Variants in ST3GAL3 observed in about 807,000 individuals in gnomAD.
The protein encoded by ST3GAL3 is ST3 beta-galactoside alpha-2,3-sialyltransferase 3.
Under a neutral mutation model 50.1 loss-of-function variants are expected in ST3GAL3, and 21 were observed. The ratio of observed to expected loss-of-function variants is 0.42; its 90% CI spans 0.30 to 0.60. The LOEUF (loss-of-function observed/expected upper bound fraction) is 0.60. Ranked by LOEUF, ST3GAL3 falls within the 20% of genes least tolerant of loss-of-function variation. ST3GAL3 has a pLI of 0.19. For synonymous variants in ST3GAL3, 183 were observed against 190.0 expected (o/e 0.96, Z 0.30); for missense variants, 353 against 489.4 (o/e 0.72, Z 2.63).
chr1:43,848,278 C>T (rs1430686668), intron 5 of ST3GAL3, among the ~76,000 whole-genome samples: 1 of 147,866 alleles, frequency 6.8e-6, no homozygotes, highest in East Asian at 2.0e-4. Context: ...ATTATGGTGT[C>T]CCTTGTTGTG....
intron 11 of ST3GAL3, chr1:43,922,447 A>C (rs917318472): frequency 2.6e-5 from 4 of 152,180 alleles, no homozygotes; most frequent in African/African-American, 9.7e-5. Context: ...GGTTGCAGTG[A>C]GCCAAGATCA....
chr1:43,758,655 C>T (rs1246268575), intron 2 of ST3GAL3, among the ~76,000 whole-genome samples: 3 of 151,994 alleles, frequency 2.0e-5, no homozygotes, highest in Admixed American at 2.0e-4. Flanking sequence ...AGACTTTTTT[C>T]AGTTAATTAT....
chr1:43,917,637 AATATAATATATAATATAAT>A (rs1316172662), intron 9 of ST3GAL3, among the ~76,000 whole-genome samples: 1 of 68,356 alleles, frequency 1.5e-5, no homozygotes, highest in African/African-American at 6.7e-5. Flanking sequence ...TATAATATAT[AATATAATATATAATATAAT>A]ATATAATATA....
At chr1:43,917,355 A>G (rs58363130) in intron 9 of ST3GAL3, among the ~76,000 whole-genome samples, 4,540 of 143,368 alleles carry the variant, frequency 0.032, 291 homozygotes, top group African/African-American at 0.11. Context: ...CTGATTCTTC[A>G]TGAGTTTTTA....
At chr1:43,867,409 A>T (rs1286701085) in intron 5 of ST3GAL3, among the ~76,000 whole-genome samples, 2 of 152,208 alleles carry the variant, frequency 1.3e-5, no homozygotes, top group Non-Finnish European at 2.9e-5. Context: ...GAAAGGGCAG[A>T]GATCATGAAT....
intron 9 of ST3GAL3, among the ~76,000 whole-genome samples, chr1:43,918,427 C>T (rs1161980764): frequency 6.6e-6 from 1 of 152,034 alleles, no homozygotes; most frequent in Non-Finnish European, 1.5e-5. Context: ...CTAGATTTCC[C>T]TTTTTTTGTT....
chr1:43,873,679 G>A (rs1472519429), intron 5 of ST3GAL3, among the ~76,000 whole-genome samples: 1 of 152,136 alleles, frequency 6.6e-6, no homozygotes, highest in Non-Finnish European at 1.5e-5. Context: ...CAGCTACTCA[G>A]GAGGCTGAGG....
At chr1:43,747,032 C>T (rs182023958) in intron 2 of ST3GAL3, among the ~76,000 whole-genome samples, 154 of 152,018 alleles carry the variant, frequency 1.0e-3, no homozygotes, top group Admixed American at 3.5e-3. Context: ...TCCCGAAGTG[C>T]GAGGATTACA....
intron 11 of ST3GAL3, among the ~76,000 whole-genome samples, chr1:43,926,610 AAAAAT>A (rs983811575): frequency 2.0e-5 from 3 of 151,488 alleles, no homozygotes; most frequent in Admixed American, 6.6e-5. Flanking sequence ...CGTCTCAAAA[AAAAAT>A]AAAAGCTTCT....
intron 1 of ST3GAL3, among the ~76,000 whole-genome samples, chr1:43,723,600 C>G (rs1329152952): frequency 1.3e-5 from 2 of 151,578 alleles, no homozygotes; most frequent in Non-Finnish European, 2.9e-5. Context: ...TTTTTTATAC[C>G]AGTCTCAAGT....
intron 4 of ST3GAL3, among the ~76,000 whole-genome samples, chr1:43,826,660 A>G (rs1306268785): frequency 6.6e-6 from 1 of 152,222 alleles, no homozygotes; most frequent in East Asian, 1.9e-4. Context: ...CTACGGACCA[A>G]TATCTCTCAT....
intron 5 of ST3GAL3, among the ~76,000 whole-genome samples, chr1:43,845,183 A>G (rs989916571): frequency 2.0e-5 from 3 of 152,082 alleles, no homozygotes; most frequent in South Asian, 4.2e-4. Context: ...GTGTTTCGCC[A>G]TGTTTGCCAG....
intron 11 of ST3GAL3, among the ~76,000 whole-genome samples, chr1:43,928,481 T>C (rs1159121119): frequency 6.6e-6 from 1 of 152,010 alleles, no homozygotes; most frequent in Non-Finnish European, 1.5e-5. Flanking sequence ...GCACCTGTAG[T>C]TCCAGCTACT....
intron 3 of ST3GAL3, among the ~76,000 whole-genome samples, chr1:43,803,888 C>T (rs879287246): frequency 3.3e-5 from 5 of 152,338 alleles, no homozygotes; most frequent in African/African-American, 7.2e-5. Flanking sequence ...CAGAGACACA[C>T]GTGCTCCTTG....
intron 9 of ST3GAL3, among the ~76,000 whole-genome samples, chr1:43,902,346 A>C (rs1052548199): frequency 6.6e-6 from 1 of 152,142 alleles, no homozygotes; most frequent in Non-Finnish European, 1.5e-5. Flanking sequence ...CACTTACTAC[A>C]TGAGGAGTCT....
intron 1 of ST3GAL3, among the ~76,000 whole-genome samples, chr1:43,709,840 T>C (rs1388407588): frequency 1.3e-5 from 2 of 151,496 alleles, no homozygotes; most frequent in African/African-American, 4.9e-5. Context: ...AGCGTGAAAC[T>C]CGGTCAAAAA....
chr1:43,879,329 A>T (rs933306671), intron 5 of ST3GAL3: 1 of 455,718 alleles, frequency 2.2e-6, no homozygotes, highest in South Asian at 1.5e-5. Flanking sequence ...TTTTTTTTGG[A>T]GACAGTGAGA....
At chr1:43,789,260 A>C (rs1348432912) in intron 2 of ST3GAL3, among the ~76,000 whole-genome samples, 1 of 152,210 alleles carries the variant, frequency 6.6e-6, no homozygotes, top group Non-Finnish European at 1.5e-5. Flanking sequence ...CAGTCCCAGC[A>C]AAAGATGATA....
intron 5 of ST3GAL3, among the ~76,000 whole-genome samples, chr1:43,857,469 C>CTCCATCCTTCCTTCCTTCCT (rs2068628031): frequency 7.7e-6 from 1 of 129,330 alleles, no homozygotes; most frequent in African/African-American, 2.7e-5. Context: ...GTGTATTTCC[C>CTCCATCCTTCCTTCCTTCCT]TCCTTCCTTC....
Sources: gnomAD v4.1 joint callset for allele counts (sites outside exome capture counted in the v4.1 genomes callset) on GRCh38, gnomAD v4.1.1 for gene constraint, MANE v1.5 for transcripts, NCBI Gene and HGNC (gene_info 2026-07-23, HGNC 2026-07-21) for gene names.